Variants in GRK7 observed in about 807,000 individuals in gnomAD.
GRK7 encodes the protein G protein-coupled receptor kinase 7.
In GRK7, 24 loss-of-function variants were observed where a neutral mutation model predicts 34.1. The observed-to-expected ratio is 0.70, with a 90% CI of 0.51 to 0.99. GRK7 has a LOEUF of 0.99. Among genes scored for constraint, GRK7 ranks in the 50% least tolerant of loss-of-function variants. GRK7 has a pLI of 0.00. For synonymous variants in GRK7, 256 were observed against 279.4 expected, an observed-to-expected ratio of 0.92 and a Z score of 0.84; for missense variants, 644 against 707.3, an observed-to-expected ratio of 0.91 and a Z score of 1.02.
chr3:141,772,141 G>T (rs779013529), intron 1 of GRK7, among the ~76,000 whole-genome samples: 18 of 151,462 alleles, frequency 1.2e-4, no homozygotes, highest in Non-Finnish European at 2.7e-4. Context: ...GTCACCCAGG[G>T]TAGAGTGCAG....
In GRK7 at chr3:141,779,245, T is replaced by G. The variant is rs546502390; in HGVS notation, c.612+349T>G. The stretch of plus-strand genomic sequence containing the variant: ...GATAATGAAGGCACTTCAAGAAAAA[T>G]GGATATTTAAGAAAATACTCTAACT... On this transcript the variant is annotated intron_variant, in intron 3 of 5. Transcript: ENST00000682958. Among the ~76,000 whole-genome samples, 10 of 151,860 alleles carry G rather than the reference T, an allele frequency of 6.6e-5. No individual in the cohort carries two copies. The South Asian group carries it at 2.1e-3, about 32-fold the overall frequency.
chr3:141,772,525 T>A (rs1488015671), intron 1 of GRK7, among the ~76,000 whole-genome samples: 2 of 152,236 alleles, frequency 1.3e-5, no homozygotes, highest in Admixed American at 6.5e-5. Flanking sequence ...CAAATAGATA[T>A]GCTATTGGAC....
intron 4 of GRK7, among the ~76,000 whole-genome samples, chr3:141,803,945 A>C (rs114507447): frequency 6.6e-6 from 1 of 151,848 alleles, no homozygotes; most frequent in African/African-American, 2.4e-5. Context: ...TCCTGATCTC[A>C]TGATCCGCCC....
intron 1 of GRK7, among the ~76,000 whole-genome samples, chr3:141,769,137 C>T (rs2107871690): frequency 6.6e-6 from 1 of 152,268 alleles, no homozygotes; most frequent in South Asian, 2.1e-4. Flanking sequence ...AACATCACCA[C>T]TGGGACATCT....
intron 4 of GRK7, among the ~76,000 whole-genome samples, chr3:141,785,134 G>A (rs1282200544): frequency 3.3e-5 from 5 of 152,166 alleles, no homozygotes; most frequent in African/African-American, 1.2e-4. Context: ...AGGTAACAAG[G>A]AAAAATCACC....
chr3:141,762,490 C>A (rs796238860), upstream of GRK7, among the ~76,000 whole-genome samples: 2 of 150,768 alleles, frequency 1.3e-5, no homozygotes, highest in East Asian at 2.0e-4. Flanking sequence ...CTCCAGCTGC[C>A]TGCTGGGAGA....
intron 4 of GRK7, among the ~76,000 whole-genome samples, chr3:141,784,007 G>C (rs2084684084): frequency 2.6e-5 from 4 of 152,206 alleles, no homozygotes; most frequent in Admixed American, 2.6e-4. Context: ...CCATTGTGCT[G>C]AGCAGGAGCG....
intron 2 of GRK7, among the ~76,000 whole-genome samples, chr3:141,777,322 CTTTT>C (rs770173065): frequency 5.7e-5 from 3 of 52,874 alleles, no homozygotes; most frequent in Admixed American, 5.3e-4. Context: ...GATGGCCCCT[CTTTT>C]TTTTTTTTTT....
chr3:141,791,587 T>C (rs1203667214), intron 4 of GRK7, among the ~76,000 whole-genome samples: 1 of 152,252 alleles, frequency 6.6e-6, no homozygotes, highest in Non-Finnish European at 1.5e-5. Flanking sequence ...AAAATATTCA[T>C]TACAGTCTGT....
intron 4 of GRK7, among the ~76,000 whole-genome samples, chr3:141,786,619 T>C (rs1336648416): frequency 2.6e-5 from 4 of 151,530 alleles, no homozygotes; most frequent in Non-Finnish European, 5.9e-5. Context: ...CTACTAAAAA[T>C]ACAAAAAAAT....
chr3:141,789,014 C>T (rs148335066), intron 4 of GRK7, among the ~76,000 whole-genome samples: 7,252 of 152,146 alleles, frequency 0.048, 161 homozygotes, highest in South Asian at 0.089. Context: ...GGGATTTCAC[C>T]ATGTTGGCCA....
chr3:141,770,520 CT>C (rs936911097), intron 1 of GRK7, among the ~76,000 whole-genome samples: 2 of 151,328 alleles, frequency 1.3e-5, no homozygotes, highest in African/African-American at 2.4e-5. Context: ...GGTAAAGACC[CT>C]TTTGCTATAC....
chr3:141,792,421 G>GAAA (rs2084728915), intron 4 of GRK7, among the ~76,000 whole-genome samples: 1 of 149,212 alleles, frequency 6.7e-6, no homozygotes, highest in African/African-American at 2.5e-5. Context: ...AAAAAAAAAG[G>GAAA]GAACTTAATA....
chr3:141,766,384 C>T (rs750379135), intron 1 of GRK7, among the ~76,000 whole-genome samples: 4 of 152,102 alleles, frequency 2.6e-5, no homozygotes, highest in South Asian at 2.1e-4. Flanking sequence ...AGGATGGTCT[C>T]GATCTCCTGA....
chr3:141,813,022 C>T (rs961801186), intron 5 of GRK7, among the ~76,000 whole-genome samples: 2 of 152,164 alleles, frequency 1.3e-5, no homozygotes, highest in Non-Finnish European at 2.9e-5. Context: ...TAGCTCTATC[C>T]TTCTGCCATG....
chr3:141,806,676 C>T (rs1246870979), intron 4 of GRK7, among the ~76,000 whole-genome samples: 1 of 151,726 alleles, frequency 6.6e-6, no homozygotes, highest in African/African-American at 2.4e-5. Flanking sequence ...ATATGAGGTA[C>T]CTAGAGCAGT....
intron 1 of GRK7, among the ~76,000 whole-genome samples, chr3:141,767,044 T>C (rs1233770896): frequency 6.6e-6 from 1 of 152,212 alleles, no homozygotes; most frequent in Admixed American, 6.5e-5. Flanking sequence ...AGAGTCTTGT[T>C]TAGAGAGGAA....
chr3:141,801,265 T>C (rs373562785), intron 4 of GRK7, among the ~76,000 whole-genome samples: 189 of 140,940 alleles, frequency 1.3e-3, no homozygotes, highest in African/African-American at 4.5e-3. Context: ...GAGCCAAGAT[T>C]GCGCCACTGC....
chr3:141,757,199 G>A, the GRK7 span, among the ~76,000 whole-genome samples: 5 of 140,428 alleles, frequency 3.6e-5, no homozygotes, highest in Non-Finnish European at 6.0e-5. Flanking sequence ...TGCACATTGC[G>A]CAGGTTAGTT....
Sources: allele counts gnomAD v4.1 joint callset (sites outside exome capture counted in the v4.1 genomes callset), GRCh38; gene constraint gnomAD v4.1.1; transcripts MANE v1.5; gene names NCBI Gene and HGNC (gene_info 2026-07-23, HGNC 2026-07-21).